The following CNR2 variants were observed in gnomAD, a reference collection of about 807,000 sequenced individuals.
CNR2 encodes the protein cannabinoid receptor 2, also known as cannabinoid receptor 2 (macrophage).
For missense variants in CNR2, 379 were observed against 439.9 expected, an observed-to-expected ratio of 0.86 and a Z score of 1.24; for synonymous variants, 172 against 182.2, an observed-to-expected ratio of 0.94 and a Z score of 0.45.
intron 1 of CNR2, chr1:23,902,545 C>G: frequency 2.5e-6 from 4 of 1,608,526 alleles, no homozygotes; most frequent in South Asian, 2.2e-5. Flanking sequence ...GGCTCCACGT[C>G]TGGAATGTGA....
chr1:23,898,337 T>TTTTC, intron 1 of CNR2, among the ~76,000 whole-genome samples: 1 of 450 alleles, frequency 2.2e-3, no homozygotes, highest in South Asian at 0.071. Context: ...GCGCCCGGCT[T>TTTTC]TTTTTTTTTT....
chr1:23,894,641 T>TAAAAAAAA (rs71575781), intron 1 of CNR2, among the ~76,000 whole-genome samples: 2 of 110,140 alleles, frequency 1.8e-5, no homozygotes, highest in African/African-American at 3.6e-5. Flanking sequence ...ATCTGTATTA[T>TAAAAAAAA]AAATAATAAT....
At position 23,906,838 on chromosome 1, in the gene CNR2, G is replaced by C. The variant is rs185853827; in HGVS notation, c.-46+6408C>G. Among the ~76,000 whole-genome samples, 4 of 150,954 alleles carry C rather than the reference G, an allele frequency of 2.6e-5. No homozygotes were observed. In the South Asian group the frequency reaches 8.3e-4, roughly 31 times the overall value. On this transcript the variant is annotated intron_variant, in intron 1 of 1. Coordinates refer to ENST00000374472, the MANE Select transcript of CNR2 (RefSeq NM_001841.3). ...ATCTAGGAGGTCAAGGCTGCAGTGA[G>C]CCATGATTGCACCACTGCACTCCAG...
At chr1:23,882,140 C>T (rs1245977693) in intron 1 of CNR2, among the ~76,000 whole-genome samples, 1 of 151,930 alleles carries the variant, frequency 6.6e-6, no homozygotes, top group Non-Finnish European at 1.5e-5. Context: ...CCAGGCTGGT[C>T]TCGAACTCTT....
At chr1:23,877,149 TAA>T (rs67057665) in intron 1 of CNR2, among the ~76,000 whole-genome samples, 50 of 151,628 alleles carry the variant, frequency 3.3e-4, no homozygotes, top group Admixed American at 1.1e-3. Context: ...GGGTATACCT[TAA>T]AAAAAAAGTC....
At chr1:23,886,385 A>G (rs531077768) in intron 1 of CNR2, among the ~76,000 whole-genome samples, 42 of 152,272 alleles carry the variant, frequency 2.8e-4, no homozygotes, top group African/African-American at 4.8e-4. Flanking sequence ...AGGGATTTCT[A>G]TCTGTCGAAA....
intron 1 of CNR2, among the ~76,000 whole-genome samples, chr1:23,891,023 C>T (rs2502960): frequency 0.85 from 127,930 of 151,232 alleles, 54,219 homozygotes; most frequent in Admixed American, 0.86. Context: ...GGATTATAGG[C>T]GTGAGCCACC....
intron 1 of CNR2, among the ~76,000 whole-genome samples, chr1:23,901,000 T>G (rs764893979): frequency 2.6e-5 from 4 of 151,954 alleles, no homozygotes; most frequent in Non-Finnish European, 5.9e-5. Context: ...GTATCTTAAG[T>G]GCACCTGCCT....
Position 23,873,671 on chromosome 1 carries a change from G to A in CNR2, c.*864C>T, listed in dbSNP as rs1639806005. On this transcript the variant is annotated 3_prime_UTR_variant, in exon 2 of 2. Coordinates refer to ENST00000374472, the MANE Select transcript of CNR2 (RefSeq NM_001841.3). ...TGCTTATTATATGTAATAGGGGTGTGGAGGAGGCAAGGGAGCTGAATTGGG... is the reference window on the plus strand; with the variant it reads ...TGCTTATTATATGTAATAGGGGTGTAGAGGAGGCAAGGGAGCTGAATTGGG... The A allele has an allele frequency of 6.6e-6, 1 of 152,180 alleles. No individual in the cohort carries two copies. 9.4% of individuals were successfully genotyped at this position (152,180 alleles called of 1,614,324 possible).
chr1:23,886,266 C>T (rs533387803), intron 1 of CNR2, among the ~76,000 whole-genome samples: 9 of 151,184 alleles, frequency 6.0e-5, no homozygotes, highest in Non-Finnish European at 8.8e-5. Flanking sequence ...TACAACCCAA[C>T]GACTTTAAAA....
chr1:23,882,836 A>G (rs1353615133), intron 1 of CNR2, among the ~76,000 whole-genome samples: 1 of 152,024 alleles, frequency 6.6e-6, no homozygotes, highest in Non-Finnish European at 1.5e-5. Flanking sequence ...ATAAATTAAT[A>G]ATAAACGCTC....
At chr1:23,882,414 G>A (rs1180427943) in intron 1 of CNR2, among the ~76,000 whole-genome samples, 2 of 152,116 alleles carry the variant, frequency 1.3e-5, no homozygotes, top group African/African-American at 4.8e-5. Context: ...TCATAAAGGC[G>A]ATTAGAAGAT....
chr1:23,890,602 G>C (rs7541728), intron 1 of CNR2, among the ~76,000 whole-genome samples: 1 of 151,508 alleles, frequency 6.6e-6, no homozygotes, highest in African/African-American at 2.4e-5. Context: ...AAAATTAGCC[G>C]GGCGTGGTGG....
At chr1:23,902,147 C>T in intron 1 of CNR2, 3 of 1,420,716 alleles carry the variant, frequency 2.1e-6, no homozygotes, top group East Asian at 2.3e-5. Flanking sequence ...ACTGGCAGCC[C>T]CTGCCTCTTG....
chr1:23,880,481 C>T (rs1639964313), intron 1 of CNR2, among the ~76,000 whole-genome samples: 1 of 152,022 alleles, frequency 6.6e-6, no homozygotes, highest in South Asian at 2.1e-4. Flanking sequence ...GCCCAACCTC[C>T]AGCTCTTTTG....
At chr1:23,892,254 G>C (rs1640204602) in intron 1 of CNR2, among the ~76,000 whole-genome samples, 1 of 152,152 alleles carries the variant, frequency 6.6e-6, no homozygotes, top group Non-Finnish European at 1.5e-5. Flanking sequence ...GTGGAGGTGG[G>C]ACAGCACTGG....
intron 1 of CNR2, among the ~76,000 whole-genome samples, chr1:23,901,250 C>A (rs1300246178): frequency 3.3e-5 from 5 of 152,128 alleles, no homozygotes; most frequent in African/African-American, 1.2e-4. Context: ...AATCTTCCTC[C>A]ACCTGAGACG....
intron 1 of CNR2, among the ~76,000 whole-genome samples, chr1:23,888,535 C>T (rs957737764): frequency 5.3e-5 from 8 of 152,134 alleles, no homozygotes; most frequent in African/African-American, 1.7e-4. Flanking sequence ...AGGATTCACA[C>T]TTTTTATCAG....
intron 1 of CNR2, among the ~76,000 whole-genome samples, chr1:23,882,505 C>A (rs757575285): frequency 4.6e-4 from 70 of 152,086 alleles, no homozygotes; most frequent in Admixed American, 7.9e-4. Flanking sequence ...GGGAAATTTA[C>A]AGCTCTAAAT....
Sources: allele counts gnomAD v4.1 joint callset (sites outside exome capture counted in the v4.1 genomes callset), GRCh38; gene constraint gnomAD v4.1.1; transcripts MANE v1.5; gene names NCBI Gene and HGNC (gene_info 2026-07-23, HGNC 2026-07-21).